Variants in PRKN observed in about 807,000 individuals in gnomAD.
PRKN encodes the protein parkin RBR E3 ubiquitin protein ligase.
PRKN carries 56 observed loss-of-function variants against 59.5 expected under a neutral mutation model. That is an observed-to-expected ratio of 0.94 (90% CI 0.76 to 1.18). The LOEUF is 1.18. Among genes scored for constraint, PRKN ranks in the 50% most tolerant of loss-of-function variants. The pLI is 0.00. For missense variants in PRKN, 657 were observed against 596.4 expected, an observed-to-expected ratio of 1.10 and a Z score of -1.06; for synonymous variants, 250 against 222.1, an observed-to-expected ratio of 1.13 and a Z score of -1.12.
chr6:162,666,035 T>C (rs538413923), intron 1 of PRKN, among the ~76,000 whole-genome samples: 21 of 152,230 alleles, frequency 1.4e-4, no homozygotes, highest in Non-Finnish European at 2.6e-4. Flanking sequence ...ATTAATTCGA[T>C]TGATTAAAGA....
intron 5 of PRKN, among the ~76,000 whole-genome samples, chr6:162,016,152 A>AT (rs950484439): frequency 1.8e-4 from 13 of 70,818 alleles, no homozygotes; most frequent in African/African-American, 5.9e-4. Flanking sequence ...TAAAATAATA[A>AT]TAAAAAAAAA....
intron 6 of PRKN, among the ~76,000 whole-genome samples, chr6:161,947,855 T>C (rs192466688): frequency 1.3e-5 from 2 of 152,344 alleles, no homozygotes; most frequent in African/African-American, 4.8e-5. Flanking sequence ...ACCTTTTTTA[T>C]GGATTAGAGT....
Position 161,696,411 on chromosome 6 carries a change from A to C in PRKN, c.871+89361T>G, listed in dbSNP as rs537549059. 1.5e-3 allele frequency among the ~76,000 whole-genome samples: 223 copies of C among 152,338 alleles called. 1 individual carries two copies. Among genetic ancestry groups the C allele is most frequent in the African/African-American group, 4.9e-3 (204 of 41,590 alleles). On this transcript the variant is annotated intron_variant, in intron 7 of 11. Transcript: ENST00000366898. ...ACCATGTAATTTACTTAAATGCCCC[A>C]CTACAGTGTAAAAGTAGACTAGACC...
intron 5 of PRKN, among the ~76,000 whole-genome samples, chr6:161,981,975 C>A (rs74947310): frequency 0.015 from 2,217 of 152,294 alleles, 59 homozygotes; most frequent in African/African-American, 0.051. Context: ...AACCATGTCA[C>A]AACTTTGCTG....
intron 3 of PRKN, among the ~76,000 whole-genome samples, chr6:162,227,658 A>G (rs1778240466): frequency 1.3e-5 from 2 of 151,942 alleles, no homozygotes; most frequent in Non-Finnish European, 2.9e-5. Context: ...AATTAATCTT[A>G]CTCTCTTCCC....
chr6:162,524,643 T>A (rs141180052), intron 1 of PRKN, among the ~76,000 whole-genome samples: 170 of 152,320 alleles, frequency 1.1e-3, no homozygotes, highest in African/African-American at 4.0e-3. Flanking sequence ...CTTAGCTACA[T>A]ACAATTCATT....
intron 6 of PRKN, among the ~76,000 whole-genome samples, chr6:161,948,797 G>C (rs923479949): frequency 9.2e-5 from 14 of 152,212 alleles, no homozygotes; most frequent in Non-Finnish European, 1.8e-4. Flanking sequence ...GTCAGTAAGG[G>C]CACATCTGAG....
chr6:161,901,897 C>G (rs1777930011), intron 6 of PRKN, among the ~76,000 whole-genome samples: 2 of 152,166 alleles, frequency 1.3e-5, no homozygotes, highest in South Asian at 2.1e-4. Flanking sequence ...TCAGCTTGGG[C>G]TGCGAGGTGC....
intron 1 of PRKN, among the ~76,000 whole-genome samples, chr6:162,671,817 A>G (rs1779331846): frequency 6.6e-6 from 1 of 152,006 alleles, no homozygotes; most frequent in Non-Finnish European, 1.5e-5. Context: ...ATTAAAAATA[A>G]TCAGATGTCA....
In PRKN at chr6:161,779,096, C is replaced by T. The variant is rs540685227; in HGVS notation, c.871+6676G>A. 3.9e-5 allele frequency among the ~76,000 whole-genome samples: 6 copies of T among 152,118 alleles called. No homozygotes were observed. The South Asian group carries it at 8.3e-4, about 21-fold the overall frequency. ...CTGGGACTACAGGCACCTGCCACCA[C>T]GCCTGGCTAATTTTTGTATTTTCAC... is the stretch of plus-strand genomic sequence containing the variant. On this transcript the variant is annotated intron_variant, in intron 7 of 11. Transcript: ENST00000366898.
Position 161,548,741 on chromosome 6 carries a change from GATGT to G in PRKN, c.1083+109_1083+112del, listed in dbSNP as rs1779883124. 2 of 977,488 alleles carry G rather than the reference GATGT, an allele frequency of 2.0e-6. No homozygotes were observed. Among genetic ancestry groups the G allele is most frequent in the Admixed American group, 2.3e-5 (1 of 44,284 alleles). 60.6% of individuals were successfully genotyped at this position (977,488 alleles called of 1,614,324 possible). On this transcript the variant is annotated intron_variant, in intron 9 of 11. Coordinates refer to ENST00000366898, the MANE Select transcript of PRKN (RefSeq NM_004562.3). This position sits in a 1 kb window ranked among gnomAD's most constrained non-coding sequence, Gnocchi z 4.2. ...CTATTTTCTTATATGTAAGTTCAAAGATGTCTAAGTCCAAAGGGAAAATGAAAAT... is the reference window on the plus strand; with the variant it reads ...CTATTTTCTTATATGTAAGTTCAAAGCTAAGTCCAAAGGGAAAATGAAAAT...
At chr6:161,687,940 C>T (rs1785628476) in intron 7 of PRKN, among the ~76,000 whole-genome samples, 1 of 152,110 alleles carries the variant, frequency 6.6e-6, no homozygotes, top group Admixed American at 6.6e-5. Context: ...ACATACTTTC[C>T]TTAGGTTCCC....
At chr6:161,514,396 C>T (rs1037462532) in intron 9 of PRKN, among the ~76,000 whole-genome samples, 2 of 151,926 alleles carry the variant, frequency 1.3e-5, no homozygotes, top group Non-Finnish European at 2.9e-5. Context: ...GACTGGGACT[C>T]TGAACAGTTT....
intron 1 of PRKN, among the ~76,000 whole-genome samples, chr6:162,685,356 T>A (rs985383720): frequency 6.6e-5 from 10 of 152,126 alleles, no homozygotes; most frequent in African/African-American, 2.2e-4. Context: ...AACCATTGAG[T>A]AGAACTGTGC....
At chr6:161,910,940 A>G (rs966365555) in intron 6 of PRKN, among the ~76,000 whole-genome samples, 1 of 152,216 alleles carries the variant, frequency 6.6e-6, no homozygotes, top group Admixed American at 6.5e-5. Context: ...TCTTAAAGAA[A>G]TAATGGTAAT....
At position 161,529,325 on chromosome 6, in the gene PRKN, C is replaced by A. The variant is rs1779121429; in HGVS notation, c.1083+19529G>T. Reference sequence around the variant, plus strand: ...CGGCTGTGTCCCTCCAGCTGCCTCACCTGGGGCCGCAGTAAGCACCAAGTT... The same window carrying A: ...CGGCTGTGTCCCTCCAGCTGCCTCAACTGGGGCCGCAGTAAGCACCAAGTT... On this transcript the variant is annotated intron_variant, in intron 9 of 11. Coordinates refer to ENST00000366898, the MANE Select transcript of PRKN (RefSeq NM_004562.3). This position sits in a 1 kb window ranked among gnomAD's most constrained non-coding sequence, Gnocchi z 4.4. Among the ~76,000 whole-genome samples the A allele has an allele frequency of 1.3e-5, 2 of 152,054 alleles. No homozygotes were observed. Among genetic ancestry groups the A allele is most frequent in the South Asian group, 4.1e-4 (2 of 4,824 alleles).
At position 161,456,274 on chromosome 6, in the gene PRKN, G is replaced by T. The variant is rs1789964599; in HGVS notation, c.1084-69397C>A. On this transcript the variant is annotated intron_variant, in intron 9 of 11. Coordinates refer to ENST00000366898, the MANE Select transcript of PRKN (RefSeq NM_004562.3). The surrounding 1 kb of genome is among the most constrained non-coding windows in gnomAD (Gnocchi z 4.8). Reference sequence around the variant, plus strand: ...AGATAAAAGCAGGCAGAAGGGTGTGGAAGGCCTAGACTGGCTGAGTCTTCC... The same window carrying T: ...AGATAAAAGCAGGCAGAAGGGTGTGTAAGGCCTAGACTGGCTGAGTCTTCC... 6.6e-6 allele frequency among the ~76,000 whole-genome samples: 1 copy of T among 152,210 alleles called. No individual in the cohort carries two copies. Among genetic ancestry groups the T allele is most frequent in the South Asian group, 2.1e-4 (1 of 4,830 alleles).
chr6:162,574,115 G>A (rs955340596), intron 1 of PRKN, among the ~76,000 whole-genome samples: 2 of 152,152 alleles, frequency 1.3e-5, no homozygotes, highest in African/African-American at 4.8e-5. Flanking sequence ...CTCAACAGTG[G>A]CGGGGCTGCT....
intron 5 of PRKN, among the ~76,000 whole-genome samples, chr6:161,992,231 TA>T (rs1466240215): frequency 5.3e-5 from 8 of 151,896 alleles, no homozygotes; most frequent in Non-Finnish European, 1.0e-4. Context: ...TCCCAGCTAC[TA>T]GGGGGGCTGA....
Sources: allele counts gnomAD v4.1 joint callset (sites outside exome capture counted in the v4.1 genomes callset), GRCh38; gene constraint gnomAD v4.1.1; non-coding constraint Gnocchi (gnomAD v3.1); transcripts MANE v1.5; gene names NCBI Gene and HGNC (gene_info 2026-07-23, HGNC 2026-07-21).